CCT3: variants seen among roughly 807,000 people sequenced by gnomAD.
CCT3 encodes chaperonin containing TCP1 subunit 3.
CCT3 carries 10 observed loss-of-function variants against 65.3 expected under a neutral mutation model. The ratio of observed to expected loss-of-function variants is 0.15; its 90% CI spans 0.09 to 0.26. The LOEUF (loss-of-function observed/expected upper bound fraction) is 0.26. Ranked by LOEUF, CCT3 falls within the 10% of genes least tolerant of loss-of-function variation. The pLI is 1.00. For missense variants in CCT3, 626 were observed against 708.7 expected (o/e 0.88, Z 1.33); for synonymous variants, 225 against 242.3 (o/e 0.93, Z 0.66).
intron 13 of CCT3, among the ~76,000 whole-genome samples, chr1:156,309,899 G>T (rs1490542102): frequency 6.6e-6 from 1 of 151,558 alleles, no homozygotes; most frequent in African/African-American, 2.4e-5. Flanking sequence ...TTAGCCGGGT[G>T]TGGTGGCAGG....
intron 5 of CCT3, among the ~76,000 whole-genome samples, chr1:156,332,492 C>A (rs140177852): frequency 7.9e-5 from 12 of 152,240 alleles, no homozygotes; most frequent in Admixed American, 2.6e-4. Context: ...GATTTCATTT[C>A]TTATTATTTG....
intron 1 of CCT3, chr1:156,337,907 G>A: frequency 1.8e-6 from 1 of 553,586 alleles, no homozygotes; most frequent in South Asian, 2.4e-5. Context: ...GAGTGGGAAA[G>A]AGCTTCCCAA....
intron 9 of CCT3, 33 bp from the exon 10 acceptor site, chr1:156,317,280 G>T: frequency 6.2e-7 from 1 of 1,608,624 alleles, no homozygotes. Flanking sequence ...GTCAAGCTGG[G>T]TTCTGAACTG....
chr1:156,338,228 GCAGAACCTTCTGGAGAGAGAGAACCAGA>G lies in CCT3; in HGVS notation c.-72_-45del. The G allele has an allele frequency of 6.4e-7, 1 of 1,563,990 alleles. No individual in the cohort carries two copies. Among genetic ancestry groups the G allele is most frequent in the African/African-American group, 1.3e-5 (1 of 74,404 alleles). On this transcript the variant is annotated 5_prime_UTR_variant, in exon 1 of 14. Transcript: ENST00000295688. ...CGGGTACCCAGAGCTGGGGGAACCGGCAGAACCTTCTGGAGAGAGAGAACCAGACAGAAGCCCAGAAAACGCTGCCTCC... is the reference window on the plus strand; with the variant it reads ...CGGGTACCCAGAGCTGGGGGAACCGGCAGAAGCCCAGAAAACGCTGCCTCC...
chr1:156,324,517 G>T (rs545202558), intron 6 of CCT3, among the ~76,000 whole-genome samples: 1 of 152,060 alleles, frequency 6.6e-6, no homozygotes, highest in African/African-American at 2.4e-5. Flanking sequence ...TGTTGCTCAG[G>T]TTGGAGTGCA....
At chr1:156,338,101 T>C in intron 1 of CCT3, 53 bp downstream of exon 1, 4 of 1,559,374 alleles carry the variant, frequency 2.6e-6, no homozygotes, top group Non-Finnish European at 3.5e-6. Context: ...CTGAAAAGTA[T>C]GGACAGAAGA....
chr1:156,312,267 T>G, intron 10 of CCT3, 46 bp from the exon 11 acceptor site: 1 of 1,575,596 alleles, frequency 6.3e-7, no homozygotes, highest in African/African-American at 1.4e-5. Flanking sequence ...TTCAGATACT[T>G]GTACCCATTT....
intron 5 of CCT3, 130 bp downstream of exon 5, chr1:156,333,417 T>C (rs1665197667): frequency 3.0e-6 from 2 of 673,012 alleles, no homozygotes; most frequent in Admixed American, 4.9e-5. Flanking sequence ...CTGGAGAGAA[T>C]ACATAGAAAA....
intron 10 of CCT3, among the ~76,000 whole-genome samples, chr1:156,316,302 T>G (rs1331913128): frequency 1.3e-5 from 2 of 152,144 alleles, no homozygotes; most frequent in Non-Finnish European, 2.9e-5. Context: ...TATATAAGGG[T>G]TAAGCATCCA....
At chr1:156,318,813 A>C (rs541982804) in intron 8 of CCT3, 55 bp downstream of exon 8, 1 of 1,564,800 alleles carries the variant, frequency 6.4e-7, no homozygotes, top group South Asian at 1.1e-5. Flanking sequence ...TCTGTTGTTC[A>C]TATTTGCAGT....
intron 6 of CCT3, 84 bp from the exon 7 acceptor site, chr1:156,321,109 A>C: frequency 9.3e-7 from 1 of 1,077,810 alleles, no homozygotes. Flanking sequence ...CAGTGACTAT[A>C]ATAATGGACC....
intron 4 of CCT3, 134 bp from the exon 5 acceptor site, chr1:156,333,777 A>C (rs887083040): frequency 2.8e-5 from 18 of 633,592 alleles, no homozygotes; most frequent in African/African-American, 2.7e-4. Flanking sequence ...ATCTTGAAAG[A>C]TTAAAATTGG....
intron 5 of CCT3, among the ~76,000 whole-genome samples, chr1:156,331,688 CATAAATAAATAA>C (rs569261761): frequency 2.0e-5 from 3 of 150,400 alleles, no homozygotes; most frequent in East Asian, 2.0e-4. Flanking sequence ...GTCTCAAAAA[CATAAATAAATAA>C]ATAAATAAAT....
Position 156,310,626 on chromosome 1 carries a change from C to T in CCT3, c.1465G>A (p.Asp489Asn), listed in dbSNP as rs1664043926. Reference protein sequence around the residue: ...GVNGETGTLVDMKELGIWEPL... With the variant: ...GVNGETGTLVNMKELGIWEPL... ...TCCCATATGCCCAGTTCCTTCATGT[C>T]CACCAAAGTACCCGTCTCACCATTT... The change falls in exon 13 of 14, where the codon GAC becomes AAC. Residue 489 changes from aspartate (D) to asparagine (N), a missense_variant. By Grantham distance (23) the Asp-to-Asn change is conservative (BLOSUM62 1). Transcript: ENST00000295688. The T allele has an allele frequency of 1.9e-6, 3 of 1,614,056 alleles. No homozygotes were observed. Among genetic ancestry groups the T allele is most frequent in the Non-Finnish European group, 2.5e-6 (3 of 1,179,912 alleles).
intron 10 of CCT3, among the ~76,000 whole-genome samples, chr1:156,313,052 A>G (rs1359065865): frequency 5.3e-5 from 8 of 152,188 alleles, no homozygotes. Flanking sequence ...CCATTAAGAA[A>G]ATGATTGAGG....
intron 5 of CCT3, chr1:156,333,094 G>A (rs1213388676): frequency 5.2e-6 from 1 of 193,852 alleles, no homozygotes; most frequent in Non-Finnish European, 1.1e-5. Context: ...AAGAGATCGA[G>A]ACCATCTGGC....
rs754224229 is a variant in CCT3, at chr1:156,311,968, T to G, written c.1155+73A>C. ...GCTATAAATGGACCACAGAATTATT[T>G]TAGGCCCTTTGGGAAACTCTCAAGA... On this transcript the variant is annotated intron_variant, in intron 11 of 13. Transcript: ENST00000295688. The G allele has an allele frequency of 7.1e-6, 9 of 1,261,780 alleles. No individual in the cohort carries two copies. In the Admixed American group the frequency reaches 1.2e-4, roughly 17 times the overall value. The allele number at this position is 1,261,780 out of a possible 1,614,324, so 78.2% of individuals were successfully genotyped here.
intron 12 of CCT3, 87 bp downstream of exon 12, chr1:156,310,863 A>G: frequency 6.6e-7 from 1 of 1,516,446 alleles, no homozygotes; most frequent in East Asian, 2.3e-5. Context: ...TATAAAGAGA[A>G]TTTGGATAGC....
chr1:156,335,071 A>G (rs1665278127), intron 2 of CCT3, 153 bp from the exon 3 acceptor site: 3 of 629,900 alleles, frequency 4.8e-6, no homozygotes, highest in Non-Finnish European at 7.9e-6. Context: ...GGGTCTCACC[A>G]TGTTGCTCGG....
Sources: allele counts gnomAD v4.1 joint callset (sites outside exome capture counted in the v4.1 genomes callset), GRCh38; gene constraint gnomAD v4.1.1; transcripts MANE v1.5; gene names NCBI Gene and HGNC (gene_info 2026-07-23, HGNC 2026-07-21).